CCNB1IP1: variants seen among roughly 807,000 people sequenced by gnomAD.
CCNB1IP1 encodes cyclin B1 interacting protein 1, also known as E3 ubiquitin-protein ligase CCNB1IP1.
In CCNB1IP1, 14 loss-of-function variants were observed where a neutral mutation model predicts 25.6. The observed-to-expected ratio is 0.55, with a 90% confidence interval of 0.36 to 0.85. The LOEUF is 0.85. Among genes scored for constraint, CCNB1IP1 ranks in the 40% least tolerant of loss-of-function variants. The pLI, the probability that CCNB1IP1 is intolerant of heterozygous loss-of-function variation, is 0.01. For synonymous variants in CCNB1IP1, 119 were observed against 116.1 expected, an observed-to-expected ratio of 1.02 and a Z score of -0.16; for missense variants, 278 against 342.4, an observed-to-expected ratio of 0.81 and a Z score of 1.48.
intron 4 of CCNB1IP1, among the ~76,000 whole-genome samples, chr14:20,321,758 T>C (rs1882904862): frequency 6.6e-6 from 1 of 152,226 alleles, no homozygotes; most frequent in Non-Finnish European, 1.5e-5. Context: ...ATTTAAAGAA[T>C]ACGTTTCATA....
chr14:20,315,136 C>CAAAAA (rs1159450735), intron 5 of CCNB1IP1, among the ~76,000 whole-genome samples: 1 of 9,060 alleles, frequency 1.1e-4, no homozygotes, highest in African/African-American at 4.2e-4. Flanking sequence ...TACACCTCAC[C>CAAAAA]AAAAAAAAAA....
intron 1 of CCNB1IP1, chr14:20,330,379 T>C (rs927844842): frequency 6.6e-6 from 1 of 152,160 alleles, no homozygotes; most frequent in Admixed American, 6.5e-5. Context: ...AAACTTCCTA[T>C]TGGGTACAAT....
At chr14:20,319,415 G>A (rs937382758) in intron 4 of CCNB1IP1, among the ~76,000 whole-genome samples, 4 of 152,134 alleles carry the variant, frequency 2.6e-5, no homozygotes, top group African/African-American at 9.7e-5. Context: ...AGCCTTCTGT[G>A]TGAATTCTGG....
intron 4 of CCNB1IP1, among the ~76,000 whole-genome samples, chr14:20,317,088 G>C (rs1882725381): frequency 6.6e-6 from 1 of 151,844 alleles, no homozygotes; most frequent in South Asian, 2.1e-4. Flanking sequence ...CAGCCTGGGG[G>C]ACAGAGCAAG....
At position 20,313,594 on chromosome 14, in the gene CCNB1IP1, G is replaced by A. The variant is rs1426932318; in HGVS notation, c.505C>T (p.Arg169Cys). Reference sequence around the variant, plus strand: ...AGGCCTTGGAGCTTTTGATACTGACGATTGCGCTCCATAAGTTTCTCAGAG... The same window carrying A: ...AGGCCTTGGAGCTTTTGATACTGACAATTGCGCTCCATAAGTTTCTCAGAG... ...DISEKLMERN[R>C]QYQKLQGLYD... Residue 169 changes from arginine (R) to cysteine (C), a missense_variant, in exon 6 of 7, where the codon CGT becomes TGT. Physicochemically the swap from Arg to Cys is radical, Grantham distance 180. Coordinates refer to ENST00000358932, the MANE Select transcript of CCNB1IP1 (RefSeq NM_021178.5). 2.5e-6 allele frequency: 4 copies of A among 1,614,176 alleles called. No individual in the cohort carries two copies. The highest frequency in any genetic ancestry group is 1.7e-5 in the Admixed American group (1 of 60,026).
chr14:20,320,181 T>G (rs1461371035), intron 4 of CCNB1IP1: 3 of 349,676 alleles, frequency 8.6e-6, no homozygotes, highest in African/African-American at 4.3e-5. Flanking sequence ...TTTGTACTTA[T>G]GTCTACTCCA....
chr14:20,313,949 A>G (rs1272728451), intron 5 of CCNB1IP1, 148 bp from the exon 6 acceptor site: 1 of 564,158 alleles, frequency 1.8e-6, no homozygotes, highest in East Asian at 2.9e-5. Flanking sequence ...CAATCAGGAT[A>G]CACAATGAGG....
chr14:20,327,336 T>C (rs897998336), intron 2 of CCNB1IP1, among the ~76,000 whole-genome samples: 1 of 152,066 alleles, frequency 6.6e-6, no homozygotes, highest in Admixed American at 6.6e-5. Context: ...TCAATTTCAT[T>C]TGAGCCAATG....
At chr14:20,324,852 T>C (rs1306859704) in intron 4 of CCNB1IP1, among the ~76,000 whole-genome samples, 1 of 152,040 alleles carries the variant, frequency 6.6e-6, no homozygotes, top group Non-Finnish European at 1.5e-5. Context: ...AGACGGAATC[T>C]CCCTATCACC....
chr14:20,333,120 A>T (rs1457783471), intron 1 of CCNB1IP1, 134 bp downstream of exon 1: 17 of 152,238 alleles, frequency 1.1e-4, no homozygotes, highest in Admixed American at 1.0e-3. Context: ...ACCTCCACAC[A>T]GCCGAAATTA....
Position 20,313,816 on chromosome 14 carries a change from A to C in CCNB1IP1, c.298-15T>G, listed in dbSNP as rs764096119. Reference sequence around the variant, plus strand: ...TCCTGATGTACCTGGTTCCAAAAGAAAAAAGATTTTTAAGGTATTGGGTAC... The same window carrying C: ...TCCTGATGTACCTGGTTCCAAAAGACAAAAGATTTTTAAGGTATTGGGTAC... On this transcript the variant is annotated splice_polypyrimidine_tract_variant and intron_variant, in intron 5 of 6. Transcript: ENST00000358932. 1.3e-6 allele frequency: 2 copies of C among 1,527,174 alleles called. No individual in the cohort carries two copies. The highest frequency in any genetic ancestry group is 1.8e-6 in the Non-Finnish European group (2 of 1,141,796). 94.6% of individuals were successfully genotyped at this position (1,527,174 alleles called of 1,614,324 possible).
intron 6 of CCNB1IP1, among the ~76,000 whole-genome samples, chr14:20,313,266 A>C (rs1039808746): frequency 6.6e-6 from 1 of 152,242 alleles, no homozygotes; most frequent in African/African-American, 2.4e-5. Flanking sequence ...TGCTCAAATT[A>C]AAGCTTTAAT....
chr14:20,315,365 C>A, intron 5 of CCNB1IP1: 3 of 455,650 alleles, frequency 6.6e-6, no homozygotes, highest in Non-Finnish European at 9.3e-6. Flanking sequence ...CTTTGGAAGA[C>A]AATTTGGCAG....
chr14:20,311,679 G>A lies in CCNB1IP1; in HGVS notation c.705C>T (p.Phe235=). 1.2e-6 allele frequency: 2 copies of A among 1,614,066 alleles called. No homozygotes were observed. The highest frequency in any genetic ancestry group is 1.7e-6 in the Non-Finnish European group (2 of 1,179,986). ...NRGDGDGDFQ[F]RPFFAGSPTA... ...TGGGAGAACCCGCAAAAAATGGTCT[G>A]AACTGAAAATCTCCATCTCCATCGC... The change falls in exon 7 of 7, where the codon TTC becomes TTT. Residue 235 remains phenylalanine, a synonymous_variant. Coordinates refer to ENST00000358932, the MANE Select transcript of CCNB1IP1 (RefSeq NM_021178.5).
At chr14:20,314,373 C>G (rs1296231084) in intron 5 of CCNB1IP1, 1 of 152,216 alleles carries the variant, frequency 6.6e-6, no homozygotes, top group Non-Finnish European at 1.5e-5. Context: ...AGACAAGTAA[C>G]TAAGAACAGC....
intron 1 of CCNB1IP1, among the ~76,000 whole-genome samples, chr14:20,331,537 T>C (rs1318071613): frequency 2.0e-5 from 3 of 152,214 alleles, no homozygotes; most frequent in East Asian, 3.9e-4. Context: ...CAAAACCCAA[T>C]TGAAATGCCT....
intron 4 of CCNB1IP1, among the ~76,000 whole-genome samples, chr14:20,324,405 T>A (rs1427682829): frequency 6.6e-6 from 1 of 152,174 alleles, no homozygotes. Flanking sequence ...CAGGCTGGTC[T>A]TGAACTCCTG....
Position 20,316,554 on chromosome 14 carries a change from G to A in CCNB1IP1, c.-31C>T. 6.3e-7 allele frequency: 1 copy of A among 1,577,308 alleles called. No homozygotes were observed. The highest frequency in any genetic ancestry group is 1.1e-5 in the South Asian group (1 of 90,318). ...GATAGTGAGGTCTCCAGAAGCTGAA[G>A]AGAGGCCTAAGAAGGGGTAAATAAA... On this transcript the variant is annotated 5_prime_UTR_variant, in exon 5 of 7. Transcript: ENST00000358932.
chr14:20,313,269 G>A (rs145654628), intron 6 of CCNB1IP1, among the ~76,000 whole-genome samples, 199 bp downstream of exon 6: 264 of 152,286 alleles, frequency 1.7e-3, no homozygotes, highest in African/African-American at 4.9e-3. Flanking sequence ...TCAAATTAAA[G>A]CTTTAATTTA....
Sources: gnomAD v4.1 joint callset for allele counts (sites outside exome capture counted in the v4.1 genomes callset) on GRCh38, gnomAD v4.1.1 for gene constraint, MANE v1.5 for transcripts, NCBI Gene and HGNC (gene_info 2026-07-23, HGNC 2026-07-21) for gene names.